Variants in SKP2 observed in about 807,000 individuals in gnomAD.
The protein encoded by SKP2 is S-phase kinase associated protein 2, also known as S-phase kinase-associated protein 2.
In SKP2, 16 loss-of-function variants were observed where a neutral mutation model predicts 51.8. The ratio of observed to expected loss-of-function variants is 0.31; its 90% CI spans 0.21 to 0.47. SKP2 has a LOEUF of 0.47. Ranked by LOEUF, SKP2 falls within the 20% of genes least tolerant of loss-of-function variation. The pLI is 1.00. For missense variants in SKP2, 377 were observed against 505.3 expected, an observed-to-expected ratio of 0.75 and a Z score of 2.43; for synonymous variants, 176 against 198.6, an observed-to-expected ratio of 0.89 and a Z score of 0.96.
chr5:36,152,168 A>G lies in SKP2; in HGVS notation c.-95A>G, dbSNP rs1269268755. 4 of 1,347,260 alleles carry G rather than the reference A, an allele frequency of 3.0e-6. No individual in the cohort carries two copies. The highest frequency in any genetic ancestry group is 4.3e-6 in the Non-Finnish European group (4 of 939,114). 83.5% of individuals were successfully genotyped at this position (1,347,260 alleles called of 1,614,324 possible). A position where few individuals can be genotyped will look rare whatever the true frequency, so the allele number is the denominator to read the frequency against. ...TCTGGCTGCTGGGGGCCCGAGCAGC[A>G]CGCTCGGAGCCGCCGCGCGCCAAAG... On this transcript the variant is annotated 5_prime_UTR_variant, in exon 1 of 10. Transcript: ENST00000274255.
downstream of SKP2, among the ~76,000 whole-genome samples, chr5:36,184,785 G>T (rs1036461203): frequency 2.0e-5 from 3 of 152,140 alleles, no homozygotes; most frequent in East Asian, 5.8e-4. Flanking sequence ...CCCAGTAATG[G>T]GATGGCTGGG....
intron 2 of SKP2, among the ~76,000 whole-genome samples, chr5:36,161,174 A>G (rs1158385649): frequency 1.3e-5 from 2 of 151,492 alleles, no homozygotes; most frequent in Non-Finnish European, 2.9e-5. Context: ...ATTGTGCCTT[A>G]TTTATCATTG....
At chr5:36,187,617 GTTC>G (rs1745968570), downstream of SKP2, among the ~76,000 whole-genome samples, 1 of 152,106 alleles carries the variant, frequency 6.6e-6, no homozygotes, top group Non-Finnish European at 1.5e-5. Flanking sequence ...TATAATTTCT[GTTC>G]TTTTACATTT....
Position 36,152,697 on chromosome 5 carries a change from GCTT to G in SKP2, c.9-70_9-68del, listed in dbSNP as rs574573229. The G allele has an allele frequency of 1.0e-4, 151 of 1,501,266 alleles. No homozygotes were observed. The African/African-American group carries it at 2.0e-3, about 20-fold the overall frequency. The allele number at this position is 1,501,266 out of a possible 1,614,324, so 93.0% of individuals were successfully genotyped here. Reference sequence around the variant, plus strand: ...GGTTTCCTACAATGCATAAACTGCAGCTTCTTTAATTGCCTTGAAATTATTTAT... The same window carrying G: ...GGTTTCCTACAATGCATAAACTGCAGCTTTAATTGCCTTGAAATTATTTAT... On this transcript the variant is annotated intron_variant, in intron 1 of 9. Coordinates refer to ENST00000274255, the MANE Select transcript of SKP2 (RefSeq NM_005983.4).
chr5:36,177,338 C>A (rs375264591), intron 9 of SKP2, 46 bp downstream of exon 9: 7 of 1,109,688 alleles, frequency 6.3e-6, no homozygotes, highest in Admixed American at 1.7e-5. Context: ...CAGGAAACAA[C>A]AGAGATGCCC....
intron 2 of SKP2, among the ~76,000 whole-genome samples, chr5:36,160,700 G>A (rs1478743187): frequency 1.3e-5 from 2 of 152,204 alleles, no homozygotes; most frequent in Non-Finnish European, 1.5e-5. Flanking sequence ...AGAAAAACTT[G>A]AGAAAAGCCT....
At chr5:36,190,127 C>A (rs907594530) in intron 6 of SKP2, among the ~76,000 whole-genome samples, 26 of 152,138 alleles carry the variant, frequency 1.7e-4, no homozygotes, top group African/African-American at 6.0e-4. Flanking sequence ...TCACAGCTTC[C>A]CTTGGCTAGG....
In SKP2 at chr5:36,168,156, G is replaced by A. The variant is rs528704921; in HGVS notation, c.537-157G>A. 3.3e-5 allele frequency among the ~76,000 whole-genome samples: 5 copies of A among 152,352 alleles called. No individual in the cohort carries two copies. The South Asian group carries it at 8.3e-4, about 25-fold the overall frequency. ...GAATGAAGATGGGAATACACTAGTA[G>A]CAATATGTTTTATGACCCTATAGTT... On this transcript the variant is annotated intron_variant, in intron 4 of 9. Transcript: ENST00000274255.
intron 6 of SKP2, among the ~76,000 whole-genome samples, chr5:36,189,767 G>A (rs1186604464): frequency 6.6e-6 from 1 of 152,224 alleles, no homozygotes; most frequent in African/African-American, 2.4e-5. Flanking sequence ...GGACATTTAA[G>A]TCTGCAGAGG....
chr5:36,192,338 C>T (rs1746049078), intron 6 of SKP2, among the ~76,000 whole-genome samples: 1 of 152,128 alleles, frequency 6.6e-6, no homozygotes, highest in African/African-American at 2.4e-5. Flanking sequence ...GTTGCATTAT[C>T]CCTGGGATCT....
chr5:36,184,919 T>G (rs1469685680), downstream of SKP2, among the ~76,000 whole-genome samples: 1 of 152,082 alleles, frequency 6.6e-6, no homozygotes, highest in Non-Finnish European at 1.5e-5. Flanking sequence ...TCCTCTCCAG[T>G]ATCTGTTGTT....
At chr5:36,167,622 T>TA (rs371263093) in intron 4 of SKP2, among the ~76,000 whole-genome samples, 3 of 151,460 alleles carry the variant, frequency 2.0e-5, no homozygotes, top group Non-Finnish European at 4.4e-5. Context: ...CCTTTTTTTT[T>TA]ATTGTTTTTG....
intron 4 of SKP2, among the ~76,000 whole-genome samples, chr5:36,167,601 A>G (rs1399411098): frequency 8.1e-6 from 1 of 124,012 alleles, no homozygotes; most frequent in Non-Finnish European, 1.9e-5. Context: ...GCATAACTCA[A>G]ATTTGGCCTC....
chr5:36,188,394 T>C (rs1179751010), downstream of SKP2, among the ~76,000 whole-genome samples: 1 of 152,258 alleles, frequency 6.6e-6, no homozygotes, highest in African/African-American at 2.4e-5. Flanking sequence ...TGTTTAGTGC[T>C]TCCTTTAGGA....
At chr5:36,190,852 T>C (rs1395384715) in intron 6 of SKP2, among the ~76,000 whole-genome samples, 1 of 152,152 alleles carries the variant, frequency 6.6e-6, no homozygotes, top group Admixed American at 6.5e-5. Context: ...TTTTGGTATA[T>C]ACCTCTAAAA....
At chr5:36,176,304 C>G (rs1745630855) in intron 7 of SKP2, among the ~76,000 whole-genome samples, 2 of 151,586 alleles carry the variant, frequency 1.3e-5, no homozygotes, top group Non-Finnish European at 2.9e-5. Context: ...TTTTCTGATA[C>G]TTTTTAAATT....
chr5:36,177,451 A>C (rs751720471), intron 9 of SKP2, 159 bp downstream of exon 9: 1 of 714,288 alleles, frequency 1.4e-6, no homozygotes. Context: ...GTATTGCTTA[A>C]ACTGGTGAAA....
chr5:36,180,328 C>T lies in SKP2; in HGVS notation c.1062-1490C>T, dbSNP rs941292301. ...TATAAGTATCTGTGTATACTGTGAT[C>T]TTACTTCGACAGTGTTTCTACATTC... is the stretch of plus-strand genomic sequence containing the variant. On this transcript the variant is annotated intron_variant, in intron 9 of 9. Coordinates refer to ENST00000274255, the MANE Select transcript of SKP2 (RefSeq NM_005983.4). 9 of 1,049,612 alleles carry T rather than the reference C, an allele frequency of 8.6e-6. No individual in the cohort carries two copies. In the African/African-American group the frequency reaches 1.5e-4, roughly 17 times the overall value. The allele number at this position is 1,049,612 out of a possible 1,614,324, so 65.0% of individuals were successfully genotyped here. A position where few individuals can be genotyped will look rare whatever the true frequency, so the allele number is the denominator to read the frequency against.
At chr5:36,168,233 G>A in intron 4 of SKP2, 80 bp from the exon 5 acceptor site, 6 of 1,351,070 alleles carry the variant, frequency 4.4e-6, no homozygotes, top group Non-Finnish European at 5.1e-6. Flanking sequence ...TGCTCATTTG[G>A]GGAGAAGAGG....
Sources: gnomAD v4.1 joint callset for allele counts (sites outside exome capture counted in the v4.1 genomes callset) on GRCh38, gnomAD v4.1.1 for gene constraint, MANE v1.5 for transcripts, NCBI Gene and HGNC (gene_info 2026-07-23, HGNC 2026-07-21) for gene names.